PGD: variants seen among roughly 807,000 people sequenced by gnomAD.
The protein encoded by PGD is 6-phosphogluconate dehydrogenase, decarboxylating.
In PGD, 21 loss-of-function variants were observed where a neutral mutation model predicts 60.4. That is an observed-to-expected ratio of 0.35 (90% CI 0.25 to 0.50). The LOEUF is 0.50. Ranked by LOEUF, PGD falls within the 20% of genes least tolerant of loss-of-function variation. The probability of loss-of-function intolerance (pLI) is 0.98; values close to 1 mark genes in which losing one functional copy is unlikely to be tolerated. For missense variants in PGD, 477 were observed against 613.1 expected, an observed-to-expected ratio of 0.78 and a Z score of 2.34; for synonymous variants, 230 against 235.9, an observed-to-expected ratio of 0.97 and a Z score of 0.23.
intron 11 of PGD, 105 bp downstream of exon 11, chr1:10,419,030 A>G (rs1177071096): frequency 1.4e-6 from 1 of 710,980 alleles, no homozygotes; most frequent in South Asian, 1.6e-5. Flanking sequence ...TTTTTTTGAG[A>G]CAGAGTCTCG....
rs375704864 is a variant in PGD, at chr1:10,399,174, A to G, written c.8+49A>G. The G allele has an allele frequency of 8.8e-5, 141 of 1,600,096 alleles. 1 individual carries two copies. The African/African-American group carries it at 1.6e-3, about 19-fold the overall frequency. Reference sequence around the variant, plus strand: ...CCGGCTCGGCCTCAGCGGGCGGGGAACTCTTTGGGGGTCGAGATCTCCCTC... The same window carrying G: ...CCGGCTCGGCCTCAGCGGGCGGGGAGCTCTTTGGGGGTCGAGATCTCCCTC... On this transcript the variant is annotated intron_variant, in intron 1 of 12. Transcript: ENST00000270776.
intron 6 of PGD, among the ~76,000 whole-genome samples, chr1:10,410,974 C>T (rs913800425): frequency 2.0e-5 from 3 of 151,416 alleles, no homozygotes; most frequent in Admixed American, 2.0e-4. Flanking sequence ...AACTACAATA[C>T]ATTTATATTT....
At chr1:10,403,160 C>T (rs1639343096) in intron 4 of PGD, 24 bp downstream of exon 4, 1 of 1,525,366 alleles carries the variant, frequency 6.6e-7, no homozygotes, top group African/African-American at 1.4e-5. Context: ...AGTCCAGATT[C>T]TTCCAGGTTC....
intron 5 of PGD, among the ~76,000 whole-genome samples, chr1:10,406,226 C>G (rs1639401936): frequency 6.6e-6 from 1 of 152,084 alleles, no homozygotes; most frequent in Admixed American, 6.5e-5. Flanking sequence ...TAATAAAACA[C>G]AGAAGTAGAG....
Position 10,417,002 on chromosome 1 carries a change from C to T in PGD, c.860C>T (p.Ala287Val). ...CCCCATGTAGGAGAAGCTGTCTTTG[C>T]TCGGTGCTTATCATCTCTGAAGGAT... ...PVTLIGEAVF[A>V]RCLSSLKDER... The change falls in exon 9 of 13, where the codon GCT (alanine) becomes GTT (valine). Residue 287 changes from alanine to valine, a missense_variant. Transcript: ENST00000270776. The T allele has an allele frequency of 6.2e-7, 1 of 1,613,560 alleles. No individual in the cohort carries two copies.
At chr1:10,402,470 T>G (rs1479639735) in intron 3 of PGD, among the ~76,000 whole-genome samples, 3 of 151,488 alleles carry the variant, frequency 2.0e-5, no homozygotes, top group Non-Finnish European at 4.4e-5. Flanking sequence ...CAGGAGGCTT[T>G]TAGCCCAGGA....
chr1:10,399,657 G>A lies in PGD; in HGVS notation c.37G>A (p.Val13Ile), dbSNP rs771130018. Residue 13 changes from valine to isoleucine, a missense_variant, in exon 2 of 13, where the codon GTC becomes ATC. By Grantham distance (29) the Val-to-Ile change is conservative. Coordinates refer to ENST00000270776, the MANE Select transcript of PGD (RefSeq NM_002631.4). ...TGACATCGCGCTGATCGGATTGGCC[G>A]TCATGGGCCAGAACTTAATTCTGAA... is the stretch of plus-strand genomic sequence containing the variant. ...QADIALIGLA[V>I]MGQNLILNMN... The A allele has an allele frequency of 6.2e-7, 1 of 1,614,046 alleles. No homozygotes were observed. Among genetic ancestry groups the A allele is most frequent in the Non-Finnish European group, 8.5e-7 (1 of 1,179,990 alleles).
rs149480647 is a variant in PGD at position 10,411,513 on chromosome 1, G to A, written c.615G>A (p.Met205Ile). 1.6e-5 allele frequency: 26 copies of A among 1,614,016 alleles called. No homozygotes were observed. Among genetic ancestry groups the A allele is most frequent in the Non-Finnish European group, 2.2e-5 (26 of 1,180,024 alleles). Residue 205 changes from methionine (M) to isoleucine (I), a missense_variant, in exon 7 of 13, where the codon ATG becomes ATA. Met to Ile is a conservative substitution (Grantham distance 10). Coordinates refer to ENST00000270776, the MANE Select transcript of PGD (RefSeq NM_002631.4). ...MQLICEAYHL[M>I]KDVLGMAQDE... ...TGATCTGTGAGGCATACCACCTGAT[G>A]AAAGACGTGCTGGGCATGGCGCAGG... is the stretch of plus-strand genomic sequence containing the variant.
rs1042147101 is a variant in PGD, at chr1:10,418,789, A to AG, written c.1110-37_1110-36insG. The AG allele has an allele frequency of 8.0e-6, 10 of 1,247,508 alleles. No individual in the cohort carries two copies. In the African/African-American group the frequency reaches 1.1e-4, roughly 13 times the overall value. 77.3% of individuals were successfully genotyped at this position (1,247,508 alleles called of 1,614,324 possible). A position where few individuals can be genotyped will look rare whatever the true frequency, so the allele number is the denominator to read the frequency against. On this transcript the variant is annotated intron_variant, in intron 10 of 12. Coordinates refer to ENST00000270776, the MANE Select transcript of PGD (RefSeq NM_002631.4). ...ACTCCGTCTCAAAAAAAAAAAAAAA[A>AG]AGACTCATTGCTTTTTTCCCCCCTT... is the stretch of plus-strand genomic sequence containing the variant.
Position 10,399,983 on chromosome 1 carries a change from C to T in PGD, c.84+279C>T, listed in dbSNP as rs80020751. The stretch of plus-strand genomic sequence containing the variant: ...GAGAAGAAGGGTGCGGGAGGAGAAC[C>T]CTTGCTGGCTGTGTAGAGCTCTAAC... On this transcript the variant is annotated intron_variant, in intron 2 of 12. Coordinates refer to ENST00000270776, the MANE Select transcript of PGD (RefSeq NM_002631.4). 3,457 of 540,742 alleles carry T rather than the reference C, an allele frequency of 6.4e-3. 106 individuals carry two copies. Among genetic ancestry groups the T allele is most frequent in the African/African-American group, 0.059 (3,143 of 52,844 alleles). The allele number at this position is 540,742 out of a possible 1,614,324, so 33.5% of individuals were successfully genotyped here. A position where few individuals can be genotyped will look rare whatever the true frequency, so the allele number is the denominator to read the frequency against.
At chr1:10,406,597 C>T (rs936893891) in intron 5 of PGD, among the ~76,000 whole-genome samples, 9 of 152,248 alleles carry the variant, frequency 5.9e-5, no homozygotes, top group South Asian at 2.1e-4. Flanking sequence ...TGAAGCTCTG[C>T]GGTTTCCGGT....
In PGD at chr1:10,404,051, T is replaced by C. The variant is rs888196999; in HGVS notation, c.331-110T>C. On this transcript the variant is annotated intron_variant, in intron 4 of 12. Coordinates refer to ENST00000270776, the MANE Select transcript of PGD (RefSeq NM_002631.4). ...CCTGTAAATGTAGGCTCTCCATTCC[T>C]ATCTTATACTTCCTCTCATTTATAA... The C allele has an allele frequency of 2.2e-5, 17 of 758,658 alleles. No homozygotes were observed. The African/African-American group carries it at 3.0e-4, about 13-fold the overall frequency. 47.0% of individuals were successfully genotyped at this position (758,658 alleles called of 1,614,324 possible).
intron 11 of PGD, among the ~76,000 whole-genome samples, chr1:10,419,174 A>ATTTTTT (rs36039303): frequency 1.4e-5 from 2 of 138,250 alleles, no homozygotes; most frequent in Non-Finnish European, 1.6e-5. Context: ...TACCTGGCTA[A>ATTTTTT]TTTTTTTTTT....
intron 8 of PGD, chr1:10,415,418 A>G (rs976556898): frequency 3.3e-5 from 5 of 151,766 alleles, no homozygotes; most frequent in African/African-American, 9.7e-5. Context: ...TCAGAATCCT[A>G]CTCTCCTCCT....
At chr1:10,403,553 T>A (rs1486803525) in intron 4 of PGD, among the ~76,000 whole-genome samples, 1 of 130,986 alleles carries the variant, frequency 7.6e-6, no homozygotes, top group Non-Finnish European at 1.5e-5. Flanking sequence ...ATCATGCCAC[T>A]GCACTCCAGC....
intron 11 of PGD, 49 bp from the exon 12 acceptor site, chr1:10,419,368 C>A: frequency 6.3e-7 from 1 of 1,583,634 alleles, no homozygotes. Context: ...AATCTATCCG[C>A]GTCACCAGGG....
chr1:10,399,553 G>A, intron 1 of PGD, 76 bp from the exon 2 acceptor site: 1 of 1,331,158 alleles, frequency 7.5e-7, no homozygotes, highest in Non-Finnish European at 1.1e-6. Context: ...GGCCAAATGT[G>A]GAAGGACCGG....
chr1:10,408,347 G>A (rs1181184579), intron 6 of PGD, among the ~76,000 whole-genome samples: 1 of 152,148 alleles, frequency 6.6e-6, no homozygotes, highest in African/African-American at 2.4e-5. Context: ...TAGCCTTGAG[G>A]TTGATATTAA....
intron 8 of PGD, among the ~76,000 whole-genome samples, chr1:10,415,063 G>C (rs11576384): frequency 0.33 from 49,606 of 150,610 alleles, 8,311 homozygotes; most frequent in Middle Eastern, 0.38. Context: ...TGCACTCCAG[G>C]CTGGGCGACC....
Sources: gnomAD v4.1 joint callset for allele counts (sites outside exome capture counted in the v4.1 genomes callset) on GRCh38, gnomAD v4.1.1 for gene constraint, MANE v1.5 for transcripts, NCBI Gene and HGNC (gene_info 2026-07-23, HGNC 2026-07-21) for gene names.